Variants in ZNF100 observed in about 807,000 individuals in gnomAD.
ZNF100 encodes the protein zinc finger protein 100 (Y1).
ZNF100 carries 12 observed loss-of-function variants against 15.8 expected under a neutral mutation model. The ratio of observed to expected loss-of-function variants is 0.76; its 90% CI spans 0.49 to 1.23. The LOEUF is 1.23. Ranked by LOEUF, ZNF100 falls within the 50% of genes most tolerant of loss-of-function variation. ZNF100 has a pLI of 0.00. For synonymous variants in ZNF100, 226 were observed against 214.8 expected (o/e 1.05, Z -0.45); for missense variants, 670 against 635.6 (o/e 1.05, Z -0.58).
intron 2 of ZNF100, among the ~76,000 whole-genome samples, chr19:21,754,620 A>C (rs1320034355): frequency 6.6e-6 from 1 of 152,172 alleles, no homozygotes; most frequent in African/African-American, 2.4e-5. Flanking sequence ...TCCTTACAAA[A>C]TTATACAAAA....
chr19:21,752,567 T>G (rs2036326239), intron 2 of ZNF100: 1 of 34,762 alleles, frequency 2.9e-5, no homozygotes, highest in Non-Finnish European at 9.8e-5. Context: ...ACAAAGGAAG[T>G]ATCAGTTATG....
rs1246569741 is a variant in ZNF100 at position 21,727,878 on chromosome 19, A to G, written c.434T>C (p.Leu145Ser). 1 of 1,608,376 alleles carries G rather than the reference A, an allele frequency of 6.2e-7. No individual in the cohort carries two copies. Among genetic ancestry groups the G allele is most frequent in the East Asian group, 2.2e-5 (1 of 44,812 alleles). Residue 145 changes from leucine (L) to serine (S), a missense_variant, in exon 5 of 5, where the codon TTA becomes TCA. Leu to Ser is a moderately radical substitution (Grantham distance 145). Transcript: ENST00000358296. ...ATCCACACTTTTACAGCCTTTTTGTAACTGTAAATTGTCATGTCCATATTT... is the reference window on the plus strand; with the variant it reads ...ATCCACACTTTTACAGCCTTTTTGTGACTGTAAATTGTCATGTCCATATTT... Reference protein sequence around the residue: ...YGKYGHDNLQLQKGCKSVDEC... With the variant: ...YGKYGHDNLQSQKGCKSVDEC...
At position 21,727,363 on chromosome 19, in the gene ZNF100, A is replaced by G. The variant is rs1403796818; in HGVS notation, c.949T>C (p.Tyr317His). ...GCTTTGCCACATTCTGTACATTTGT[A>G]GGGTTTCACTCCAGTATGAATTCTT... ...HKRIHTGVKPYKCTECGKAFN... is the reference protein window; with the variant it reads ...HKRIHTGVKPHKCTECGKAFN... Residue 317 changes from tyrosine to histidine, a missense_variant, in exon 5 of 5, where the codon TAC becomes CAC. Transcript: ENST00000358296. 6.2e-7 allele frequency: 1 copy of G among 1,612,976 alleles called. No individual in the cohort carries two copies. The highest frequency in any genetic ancestry group is 1.3e-5 in the African/African-American group (1 of 74,994).
intron 4 of ZNF100, among the ~76,000 whole-genome samples, chr19:21,739,951 CTA>C (rs1384486503): frequency 6.6e-6 from 1 of 152,176 alleles, no homozygotes; most frequent in Admixed American, 6.5e-5. Context: ...AGTACAATCT[CTA>C]TAAAAATCTC....
rs556275072 is a variant in ZNF100, at chr19:21,767,299, G to A, written c.3+128C>T. 4.7e-5 allele frequency: 72 copies of A among 1,523,468 alleles called. No homozygotes were observed. The South Asian group carries it at 7.5e-4, about 16-fold the overall frequency. The allele number at this position is 1,523,468 out of a possible 1,614,324, so 94.4% of individuals were successfully genotyped here. ...CATCTTATGGCCGAAGGGGACGGAGGCCGAGCTGGGCAAGGCGCAGATTGT... is the reference window on the plus strand; with the variant it reads ...CATCTTATGGCCGAAGGGGACGGAGACCGAGCTGGGCAAGGCGCAGATTGT... On this transcript the variant is annotated intron_variant, in intron 1 of 4. Transcript: ENST00000358296.
intron 2 of ZNF100, chr19:21,753,502 G>A (rs2036343714): frequency 6.6e-6 from 1 of 152,214 alleles, no homozygotes; most frequent in Non-Finnish European, 1.5e-5. Context: ...AGGATCACTT[G>A]AGCCTGCGGG....
At chr19:21,757,741 A>G (rs1428976332) in intron 2 of ZNF100, among the ~76,000 whole-genome samples, 1 of 152,170 alleles carries the variant, frequency 6.6e-6, no homozygotes, top group Non-Finnish European at 1.5e-5. Context: ...CTAGATTGAA[A>G]AAAATATGGT....
intron 4 of ZNF100, among the ~76,000 whole-genome samples, chr19:21,732,394 A>G (rs2035935374): frequency 6.6e-6 from 1 of 152,156 alleles, no homozygotes; most frequent in African/African-American, 2.4e-5. Flanking sequence ...TACACAACAA[A>G]TATACAAGTC....
intron 2 of ZNF100, among the ~76,000 whole-genome samples, chr19:21,756,583 TGA>T (rs2036396679): frequency 6.6e-6 from 1 of 151,788 alleles, no homozygotes; most frequent in Admixed American, 6.6e-5. Flanking sequence ...CTTAAAGAAG[TGA>T]GAGATGACAT....
At chr19:21,746,950 T>TA (rs2036221987) in intron 2 of ZNF100, 1 of 152,174 alleles carries the variant, frequency 6.6e-6, no homozygotes. Context: ...ACCACCTTCT[T>TA]ACCTGCTAGC....
chr19:21,730,373 T>C (rs1461674771), intron 4 of ZNF100, among the ~76,000 whole-genome samples: 2 of 151,852 alleles, frequency 1.3e-5, no homozygotes, highest in Non-Finnish European at 2.9e-5. Context: ...TTATAAAATG[T>C]ACTGCAAGTC....
intron 4 of ZNF100, among the ~76,000 whole-genome samples, chr19:21,740,485 G>GAA (rs74174038): frequency 0.093 from 13,674 of 147,240 alleles, 816 homozygotes; most frequent in South Asian, 0.18. Context: ...ATCCACATTA[G>GAA]AAAAAAAAAA....
chr19:21,765,573 G>T, intron 2 of ZNF100, 121 bp downstream of exon 2: 2 of 828,650 alleles, frequency 2.4e-6, no homozygotes, highest in South Asian at 1.7e-5. Context: ...ATGATCCAGG[G>T]AGCAGAAATT....
chr19:21,732,386 C>T (rs911217443), intron 4 of ZNF100, among the ~76,000 whole-genome samples: 27 of 152,200 alleles, frequency 1.8e-4, no homozygotes, highest in African/African-American at 6.3e-4. Context: ...AACAAACCTA[C>T]ACAACAAATA....
chr19:21,731,537 G>C (rs1393806079), intron 4 of ZNF100, among the ~76,000 whole-genome samples: 2 of 152,028 alleles, frequency 1.3e-5, no homozygotes, highest in Non-Finnish European at 2.9e-5. Context: ...TCGATCTCTT[G>C]ACCTTGATAT....
chr19:21,740,356 G>A (rs1846146661), intron 4 of ZNF100, among the ~76,000 whole-genome samples: 1 of 151,862 alleles, frequency 6.6e-6, no homozygotes, highest in Non-Finnish European at 1.5e-5. Context: ...GAATCTCTTA[G>A]AACAAAATAG....
intron 4 of ZNF100, among the ~76,000 whole-genome samples, chr19:21,739,237 T>A (rs1375869436): frequency 6.6e-6 from 1 of 152,248 alleles, no homozygotes; most frequent in African/African-American, 2.4e-5. Context: ...TATTTGCACC[T>A]GATGTATTCT....
intron 4 of ZNF100, 132 bp from the exon 5 acceptor site, chr19:21,728,121 CAT>C (rs2035847840): frequency 6.7e-6 from 5 of 742,492 alleles, no homozygotes; most frequent in Non-Finnish European, 9.3e-6. Flanking sequence ...CCTTTATAGA[CAT>C]ATAAATGTAA....
intron 4 of ZNF100, among the ~76,000 whole-genome samples, chr19:21,729,958 A>G (rs1198844878): frequency 6.6e-6 from 1 of 152,100 alleles, no homozygotes; most frequent in East Asian, 1.9e-4. Context: ...GGTCCAAAAA[A>G]GAACATGTGT....
Sources: gnomAD v4.1 joint callset for allele counts (sites outside exome capture counted in the v4.1 genomes callset) on GRCh38, gnomAD v4.1.1 for gene constraint, MANE v1.5 for transcripts, NCBI Gene and HGNC (gene_info 2026-07-23, HGNC 2026-07-21) for gene names.